Variants in BTBD9 observed in about 807,000 individuals in gnomAD.
BTBD9 encodes the protein BTB domain containing 9.
BTBD9 carries 49 observed loss-of-function variants against 64.3 expected under a neutral mutation model. That is an observed-to-expected ratio of 0.76 (90% confidence interval 0.61 to 0.97). BTBD9 has a LOEUF of 0.97. Ranked by LOEUF, BTBD9 falls within the 50% of genes least tolerant of loss-of-function variation. BTBD9 has a pLI of 0.00. For synonymous variants in BTBD9, 260 were observed against 274.7 expected (o/e 0.95, Z 0.53); for missense variants, 598 against 762.1 (o/e 0.78, Z 2.53).
chr6:38,288,194 G>A (rs1761817786), intron 8 of BTBD9, 78 bp downstream of exon 8: 1 of 1,394,936 alleles, frequency 7.2e-7, no homozygotes, highest in African/African-American at 1.4e-5. Flanking sequence ...AAGTTATTAG[G>A]ATTATCATTT....
intron 8 of BTBD9, among the ~76,000 whole-genome samples, chr6:38,271,847 G>A (rs1462961401): frequency 6.6e-6 from 1 of 152,050 alleles, no homozygotes; most frequent in Non-Finnish European, 1.5e-5. Context: ...ATTCTACATG[G>A]AGCTTTTAGA....
At chr6:38,196,404 A>G (rs1762275385) in intron 9 of BTBD9, among the ~76,000 whole-genome samples, 1 of 152,228 alleles carries the variant, frequency 6.6e-6, no homozygotes, top group Admixed American at 6.5e-5. Context: ...TAGTGTTATT[A>G]CCACTATAAT....
At chr6:38,338,145 G>T (rs551125818) in intron 7 of BTBD9, among the ~76,000 whole-genome samples, 7 of 152,210 alleles carry the variant, frequency 4.6e-5, no homozygotes, top group Non-Finnish European at 1.0e-4. Context: ...GATGCCCAGT[G>T]GATGTCTGAA....
intron 1 of BTBD9, among the ~76,000 whole-genome samples, chr6:38,610,223 G>C (rs1191864393): frequency 6.6e-6 from 1 of 152,116 alleles, no homozygotes; most frequent in Non-Finnish European, 1.5e-5. Context: ...CCAGCTTCTC[G>C]AAGTGTATAT....
rs115316985 is a variant in BTBD9 at position 38,279,484 on chromosome 6, A to T, written c.1454+8788T>A. On this transcript the variant is annotated intron_variant, in intron 8 of 10. Coordinates refer to ENST00000481247, the MANE Select transcript of BTBD9 (RefSeq NM_001099272.2). ...GTGACCCTTCATCAGTTTTTTCAGA[A>T]TAGCTTTATTCTGAAAAATACTCAA... Among the ~76,000 whole-genome samples the T allele has an allele frequency of 3.2e-3, 482 of 152,266 alleles. 3 individuals are homozygous for T. The highest frequency in any genetic ancestry group is 0.011 in the African/African-American group (459 of 41,564).
At chr6:38,207,294 G>A (rs1762690344) in intron 9 of BTBD9, 1 of 257,942 alleles carries the variant, frequency 3.9e-6, no homozygotes, top group African/African-American at 2.3e-5. Context: ...GTAATGGCAT[G>A]TATTAGCTGA....
At chr6:38,451,507 C>T (rs1295028915) in intron 6 of BTBD9, among the ~76,000 whole-genome samples, 2 of 152,136 alleles carry the variant, frequency 1.3e-5, no homozygotes, top group African/African-American at 4.8e-5. Flanking sequence ...CCCATTGTTA[C>T]CTCTTATAAC....
intron 6 of BTBD9, among the ~76,000 whole-genome samples, chr6:38,546,288 G>A (rs1215320999): frequency 6.6e-6 from 1 of 152,166 alleles, no homozygotes; most frequent in Admixed American, 6.5e-5. Context: ...AAGAATATCA[G>A]AGTGGAAAGA....
chr6:38,516,673 A>G (rs1773042295), intron 6 of BTBD9, among the ~76,000 whole-genome samples: 1 of 152,208 alleles, frequency 6.6e-6, no homozygotes, highest in Admixed American at 6.5e-5. Context: ...ATTAACATTC[A>G]TCTCTGACTA....
chr6:38,508,469 C>A (rs1288296064), intron 6 of BTBD9, among the ~76,000 whole-genome samples: 1 of 152,142 alleles, frequency 6.6e-6, no homozygotes, highest in Non-Finnish European at 1.5e-5. Flanking sequence ...CTCTTCATTC[C>A]CCCGCCACTG....
At chr6:38,622,652 C>A (rs1778027482) in intron 1 of BTBD9, among the ~76,000 whole-genome samples, 1 of 152,156 alleles carries the variant, frequency 6.6e-6, no homozygotes, top group Non-Finnish European at 1.5e-5. Context: ...GCCCTGTAAC[C>A]ACGAACACCG....
chr6:38,393,855 A>G (rs1180812503), intron 6 of BTBD9, among the ~76,000 whole-genome samples: 1 of 152,214 alleles, frequency 6.6e-6, no homozygotes, highest in African/African-American at 2.4e-5. Flanking sequence ...TCTTCATTCT[A>G]TTAAGAAGAA....
intron 1 of BTBD9, among the ~76,000 whole-genome samples, chr6:38,607,195 T>C (rs1777458913): frequency 6.6e-6 from 1 of 152,180 alleles, no homozygotes; most frequent in Non-Finnish European, 1.5e-5. Context: ...ACAAGAATAC[T>C]GTTGACACAA....
intron 9 of BTBD9, among the ~76,000 whole-genome samples, chr6:38,193,050 TATA>T (rs1343345462): frequency 2.2e-5 from 3 of 134,632 alleles, no homozygotes; most frequent in Non-Finnish European, 5.1e-5. Flanking sequence ...GAACTTGGAG[TATA>T]ATAATAATAA....
chr6:38,548,066 T>C (rs1012144295), intron 6 of BTBD9, among the ~76,000 whole-genome samples: 2 of 152,234 alleles, frequency 1.3e-5, no homozygotes, highest in South Asian at 2.1e-4. Context: ...GTAAATTACA[T>C]AAAACACTAT....
At chr6:38,210,163 C>G (rs1322804721) in intron 9 of BTBD9, among the ~76,000 whole-genome samples, 1 of 152,188 alleles carries the variant, frequency 6.6e-6, no homozygotes, top group Non-Finnish European at 1.5e-5. Context: ...CTCCTTGATT[C>G]CCCTAAGGGG....
At chr6:38,585,442 G>A (rs568682669) in intron 4 of BTBD9, among the ~76,000 whole-genome samples, 2 of 152,168 alleles carry the variant, frequency 1.3e-5, no homozygotes, top group African/African-American at 4.8e-5. Context: ...CCAAGCATCT[G>A]GGACTACAGG....
chr6:38,433,109 A>AG (rs1394589674), intron 6 of BTBD9, among the ~76,000 whole-genome samples: 1 of 152,000 alleles, frequency 6.6e-6, no homozygotes, highest in African/African-American at 2.4e-5. Flanking sequence ...CACTTGCACT[A>AG]GCTCTTGCAC....
chr6:38,616,801 T>C (rs1777807287), intron 1 of BTBD9, among the ~76,000 whole-genome samples: 1 of 152,140 alleles, frequency 6.6e-6, no homozygotes, highest in South Asian at 2.1e-4. Flanking sequence ...TGTGGAAGCT[T>C]TGTCCTTTTG....
Sources: gnomAD v4.1 joint callset for allele counts (sites outside exome capture counted in the v4.1 genomes callset) on GRCh38, gnomAD v4.1.1 for gene constraint, MANE v1.5 for transcripts, NCBI Gene and HGNC (gene_info 2026-07-23, HGNC 2026-07-21) for gene names.